Variants in NRXN1 observed in about 807,000 individuals in gnomAD.
The protein encoded by NRXN1 is neurexin-1.
In NRXN1, 39 loss-of-function variants were observed where a neutral mutation model predicts 150.9. The ratio of observed to expected loss-of-function variants is 0.26; its 90% CI spans 0.20 to 0.34. The LOEUF is 0.34. Among genes scored for constraint, NRXN1 ranks in the 10% least tolerant of loss-of-function variants. NRXN1 has a pLI of 1.00. For synonymous variants in NRXN1, 924 were observed against 757.0 expected, an observed-to-expected ratio of 1.22 and a Z score of -3.62; for missense variants, 1,815 against 1,949.9, an observed-to-expected ratio of 0.93 and a Z score of 1.30.
intron 17 of NRXN1, among the ~76,000 whole-genome samples, chr2:50,409,982 T>C (rs998927358): frequency 6.6e-6 from 1 of 152,218 alleles, no homozygotes; most frequent in Non-Finnish European, 1.5e-5. Flanking sequence ...TTTAAATGTC[T>C]CTCTGATCTC....
chr2:51,018,803 G>C (rs17041199), intron 2 of NRXN1, among the ~76,000 whole-genome samples: 2,753 of 152,052 alleles, frequency 0.018, 84 homozygotes, highest in African/African-American at 0.064. Context: ...AAAATAATAA[G>C]TTTTTCATCA....
chr2:50,032,130 T>A (rs1399467869), intron 21 of NRXN1, among the ~76,000 whole-genome samples: 1 of 152,078 alleles, frequency 6.6e-6, no homozygotes, highest in African/African-American at 2.4e-5. Context: ...TATTTTACTG[T>A]TACTAGCCAG....
chr2:50,209,920 G>A (rs1176930772), intron 18 of NRXN1, among the ~76,000 whole-genome samples: 2 of 151,878 alleles, frequency 1.3e-5, no homozygotes, highest in Non-Finnish European at 2.9e-5. Flanking sequence ...AAATAATTGT[G>A]CTATACTATA....
At chr2:50,134,787 T>C (rs1426278673) in intron 18 of NRXN1, among the ~76,000 whole-genome samples, 1 of 152,160 alleles carries the variant, frequency 6.6e-6, no homozygotes, top group Non-Finnish European at 1.5e-5. Flanking sequence ...GAGTCGCAGG[T>C]TGTACATTTT....
At chr2:50,965,604 A>T (rs1041278520) in intron 2 of NRXN1, among the ~76,000 whole-genome samples, 1 of 151,488 alleles carries the variant, frequency 6.6e-6, no homozygotes, top group African/African-American at 2.4e-5. Context: ...TGGTTTTTAA[A>T]AGTTTTGCTT....
At chr2:50,170,756 CGTGTGTGTGTGTGTGTGT>C (rs58130457) in intron 18 of NRXN1, among the ~76,000 whole-genome samples, 26 of 143,210 alleles carry the variant, frequency 1.8e-4, no homozygotes, top group African/African-American at 6.2e-4. Context: ...CTCTGTCTGT[CGTGTGTGTGTGTGTGTGT>C]GTGTGTGTGT....
At chr2:50,921,809 A>G in intron 5 of NRXN1, 60 bp downstream of exon 5, 1 of 816,266 alleles carries the variant, frequency 1.2e-6, no homozygotes, top group East Asian at 3.0e-5. Context: ...ACATTTATGT[A>G]ACTCAGACAC....
At chr2:50,786,760 TATC>T (rs1705176771) in intron 5 of NRXN1, among the ~76,000 whole-genome samples, 1 of 152,138 alleles carries the variant, frequency 6.6e-6, no homozygotes, top group Non-Finnish European at 1.5e-5. Context: ...ATCCAGATGC[TATC>T]ATATTTTAAT....
intron 18 of NRXN1, among the ~76,000 whole-genome samples, chr2:50,161,688 A>T (rs1424955397): frequency 6.6e-6 from 1 of 152,208 alleles, no homozygotes; most frequent in African/African-American, 2.4e-5. Context: ...GACAGTCAGC[A>T]GTATGTTATA....
chr2:50,647,791 TAGG>T (rs1685032035), intron 5 of NRXN1, among the ~76,000 whole-genome samples: 1 of 151,896 alleles, frequency 6.6e-6, no homozygotes, highest in South Asian at 2.1e-4. Flanking sequence ...GACACAACAT[TAGG>T]ATGGAAAATT....
intron 17 of NRXN1, among the ~76,000 whole-genome samples, chr2:50,384,229 G>A (rs530840884): frequency 8.5e-4 from 129 of 152,166 alleles, no homozygotes; most frequent in South Asian, 1.4e-3. Flanking sequence ...ATTCTCAGCC[G>A]GGTGCGGTGG....
At chr2:50,442,272 C>T (rs2086019703) in intron 17 of NRXN1, among the ~76,000 whole-genome samples, 1 of 152,142 alleles carries the variant, frequency 6.6e-6, no homozygotes, top group Non-Finnish European at 1.5e-5. Context: ...AGTGGTCCTA[C>T]ATGTTGCCTA....
intron 17 of NRXN1, among the ~76,000 whole-genome samples, chr2:50,277,149 A>G (rs1242530840): frequency 6.6e-6 from 1 of 152,214 alleles, no homozygotes; most frequent in Non-Finnish European, 1.5e-5. Flanking sequence ...TAAAACAACA[A>G]CAACAAAAAA....
intron 2 of NRXN1, among the ~76,000 whole-genome samples, chr2:50,958,461 T>C (rs902222411): frequency 4.6e-5 from 7 of 152,026 alleles, no homozygotes; most frequent in Admixed American, 1.3e-4. Flanking sequence ...AAAACTACTA[T>C]TGGTGAATGC....
chr2:50,489,817 G>A (rs960829176), intron 15 of NRXN1, among the ~76,000 whole-genome samples: 5 of 152,246 alleles, frequency 3.3e-5, no homozygotes, highest in Admixed American at 6.5e-5. Flanking sequence ...CTGTGAGCTG[G>A]GCCAAGAACC....
At chr2:50,579,204 G>C (rs755848338) in intron 8 of NRXN1, among the ~76,000 whole-genome samples, 8 of 152,168 alleles carry the variant, frequency 5.3e-5, no homozygotes, top group Non-Finnish European at 7.3e-5. Flanking sequence ...TTGGGCTACA[G>C]GACCAGGAGG....
intron 5 of NRXN1, among the ~76,000 whole-genome samples, chr2:50,771,628 T>G (rs1703019811): frequency 6.6e-6 from 1 of 151,982 alleles, no homozygotes; most frequent in South Asian, 2.1e-4. Context: ...AAAGATACAT[T>G]TGGAGATGGG....
chr2:50,918,744 C>A (rs768505760), intron 5 of NRXN1: 36 of 319,482 alleles, frequency 1.1e-4, no homozygotes, highest in Middle Eastern at 8.3e-4. Context: ...ATACTTCATT[C>A]AAGGCAAACA....
chr2:50,418,165 C>T (rs575513193), intron 17 of NRXN1, among the ~76,000 whole-genome samples: 15 of 152,022 alleles, frequency 9.9e-5, no homozygotes, highest in African/African-American at 3.4e-4. Flanking sequence ...AAACAAGTGA[C>T]CGATGGAATG....
Sources: allele counts gnomAD v4.1 joint callset (sites outside exome capture counted in the v4.1 genomes callset), GRCh38; gene constraint gnomAD v4.1.1; transcripts MANE v1.5; gene names NCBI Gene and HGNC (gene_info 2026-07-23, HGNC 2026-07-21).